ECPAS: variants seen among roughly 807,000 people sequenced by gnomAD.
The protein encoded by ECPAS is proteasome adapter and scaffold protein ECM29.
In ECPAS, 70 loss-of-function variants were observed where a neutral mutation model predicts 255.1. That is an observed-to-expected ratio of 0.27 (90% confidence interval 0.23 to 0.33). ECPAS has a LOEUF of 0.33. ECPAS is among the 10% of genes least tolerant of loss of function. The pLI is 1.00. For missense variants in ECPAS, 1,817 were observed against 2,206.4 expected, an observed-to-expected ratio of 0.82 and a Z score of 3.54; for synonymous variants, 784 against 775.0, an observed-to-expected ratio of 1.01 and a Z score of -0.19.
intron 2 of ECPAS, among the ~76,000 whole-genome samples, chr9:111,458,215 TTTAG>T (rs1302298661): frequency 6.6e-6 from 1 of 152,244 alleles, no homozygotes; most frequent in Non-Finnish European, 1.5e-5. Flanking sequence ...CATTACTGGT[TTTAG>T]TTAGTAAACT....
chr9:111,414,160 C>A (rs1181490864), intron 19 of ECPAS, among the ~76,000 whole-genome samples, 174 bp from the exon 20 acceptor site: 1 of 151,090 alleles, frequency 6.6e-6, no homozygotes, highest in East Asian at 1.9e-4. Context: ...TTCACTACAG[C>A]AAATTTACAG....
chr9:111,373,272 C>G, intron 40 of ECPAS, 36 bp from the exon 41 acceptor site: 2 of 1,613,078 alleles, frequency 1.2e-6, no homozygotes, highest in Non-Finnish European at 8.5e-7. Context: ...TTCTTTATAA[C>G]TGTCAAAGAG....
At chr9:111,406,631 C>T (rs1236714319) in intron 24 of ECPAS, among the ~76,000 whole-genome samples, 1 of 149,760 alleles carries the variant, frequency 6.7e-6, no homozygotes, top group Admixed American at 6.6e-5. Context: ...GGGCGAGGCA[C>T]AGTGGCTTAT....
intron 4 of ECPAS, 27 bp downstream of exon 4, chr9:111,444,351 C>T: frequency 6.6e-7 from 1 of 1,504,926 alleles, no homozygotes; most frequent in South Asian, 1.2e-5. Context: ...TGCTGTAAGT[C>T]AGAAAATATT....
At chr9:111,457,645 T>C (rs1297607798) in intron 2 of ECPAS, among the ~76,000 whole-genome samples, 1 of 152,180 alleles carries the variant, frequency 6.6e-6, no homozygotes, top group Non-Finnish European at 1.5e-5. Flanking sequence ...AGAGGGCAAG[T>C]GGGCAGCGTG....
chr9:111,445,058 C>T (rs937805638), intron 3 of ECPAS, among the ~76,000 whole-genome samples: 3 of 136,208 alleles, frequency 2.2e-5, no homozygotes, highest in Non-Finnish European at 3.0e-5. Flanking sequence ...TGTAGTGGTG[C>T]GATCTCAGCT....
chr9:111,466,847 C>G (rs2098280241), intron 2 of ECPAS, among the ~76,000 whole-genome samples: 2 of 152,146 alleles, frequency 1.3e-5, no homozygotes, highest in Non-Finnish European at 2.9e-5. Flanking sequence ...TTTGCCCAAG[C>G]AATCCTCCCA....
intron 7 of ECPAS, among the ~76,000 whole-genome samples, chr9:111,436,587 A>C (rs1415320996): frequency 6.6e-6 from 1 of 152,218 alleles, no homozygotes; most frequent in East Asian, 1.9e-4. Flanking sequence ...CTGCACCATA[A>C]AAGCTAGATG....
At chr9:111,372,682 C>T (rs1381229416) in intron 41 of ECPAS, 62 bp from the exon 42 acceptor site, 11 of 1,284,242 alleles carry the variant, frequency 8.6e-6, no homozygotes, top group East Asian at 2.5e-5. Flanking sequence ...CTGATCTAAA[C>T]AGGCTATTGT....
intron 24 of ECPAS, among the ~76,000 whole-genome samples, chr9:111,401,633 G>A (rs1046560269): frequency 6.6e-6 from 1 of 152,152 alleles, no homozygotes; most frequent in Non-Finnish European, 1.5e-5. Flanking sequence ...GGAGACCAGG[G>A]CATATTTCAG....
At chr9:111,436,490 G>A (rs1292308633) in intron 7 of ECPAS, among the ~76,000 whole-genome samples, 2 of 152,132 alleles carry the variant, frequency 1.3e-5, no homozygotes, top group Non-Finnish European at 2.9e-5. Context: ...TCCCCACATT[G>A]TCACCTGTGA....
chr9:111,385,290 C>A, intron 33 of ECPAS, 47 bp downstream of exon 33: 1 of 922,212 alleles, frequency 1.1e-6, no homozygotes, highest in Non-Finnish European at 1.6e-6. Context: ...TTAATAATTC[C>A]AATTTAACTT....
intron 7 of ECPAS, 148 bp from the exon 8 acceptor site, chr9:111,433,520 G>C (rs2098233163): frequency 4.4e-6 from 3 of 680,718 alleles, no homozygotes; most frequent in Non-Finnish European, 7.5e-6. Flanking sequence ...CAATGTGCCG[G>C]GGACTGTACT....
chr9:111,477,885 G>A (rs1472278212), intron 1 of ECPAS, among the ~76,000 whole-genome samples: 1 of 150,506 alleles, frequency 6.6e-6, no homozygotes, highest in Non-Finnish European at 1.5e-5. Context: ...AAATTAACCT[G>A]CCTATTTTTG....
At chr9:111,474,584 C>T (rs1011950607) in intron 1 of ECPAS, among the ~76,000 whole-genome samples, 3 of 152,174 alleles carry the variant, frequency 2.0e-5, no homozygotes, top group Non-Finnish European at 2.9e-5. Context: ...ACTCATGTTA[C>T]GCTCCTGCTT....
In ECPAS at chr9:111,442,352, T is replaced by C; in HGVS notation, c.343A>G (p.Thr115Ala). The change falls in exon 5 of 50, where the codon ACG (threonine) becomes GCG (alanine). Residue 115 changes from threonine (T) to alanine (A), a missense_variant. Physicochemically the swap from Thr to Ala is moderately conservative, Grantham distance 58 (BLOSUM62 0). Coordinates refer to ENST00000684092, the MANE Select transcript of ECPAS (RefSeq NM_001364929.1). ...PVEKQCELAP[T>A]LLTAMEGKPQ... Reference sequence around the variant, plus strand: ...TTCCCTTCCATGGCAGTAAGAAGCGTAGGGGCCAGTTCACATTGTTTTTCC... The same window carrying C: ...TTCCCTTCCATGGCAGTAAGAAGCGCAGGGGCCAGTTCACATTGTTTTTCC... 1.2e-6 allele frequency: 2 copies of C among 1,613,148 alleles called. No homozygotes were observed. Among genetic ancestry groups the C allele is most frequent in the Non-Finnish European group, 1.7e-6 (2 of 1,179,556 alleles).
chr9:111,411,190 C>A, intron 21 of ECPAS, 48 bp from the exon 22 acceptor site: 1 of 1,573,058 alleles, frequency 6.4e-7, no homozygotes, highest in Non-Finnish European at 8.7e-7. Flanking sequence ...CTCTCATATA[C>A]GCAAGAATAC....
At chr9:111,448,759 G>C (rs1384604646) in intron 3 of ECPAS, among the ~76,000 whole-genome samples, 1 of 152,148 alleles carries the variant, frequency 6.6e-6, no homozygotes, top group Non-Finnish European at 1.5e-5. Context: ...TCTCTGACCA[G>C]AATGCAATAA....
chr9:111,475,629 A>G (rs752051068), intron 1 of ECPAS, among the ~76,000 whole-genome samples: 2 of 152,016 alleles, frequency 1.3e-5, no homozygotes, highest in Non-Finnish European at 2.9e-5. Flanking sequence ...CCAGCTACTC[A>G]GGAGGCTGAG....
Sources: allele counts gnomAD v4.1 joint callset (sites outside exome capture counted in the v4.1 genomes callset), GRCh38; gene constraint gnomAD v4.1.1; transcripts MANE v1.5; gene names NCBI Gene and HGNC (gene_info 2026-07-23, HGNC 2026-07-21).